The following MAGI1 variants were observed in gnomAD, a reference collection of about 807,000 sequenced individuals.
MAGI1 encodes membrane-associated guanylate kinase, WW and PDZ domain-containing protein 1.
In MAGI1, 58 loss-of-function variants were observed where a neutral mutation model predicts 139.9. The observed-to-expected ratio is 0.41, with a 90% confidence interval of 0.34 to 0.52. MAGI1 has a LOEUF of 0.52. Among genes scored for constraint, MAGI1 ranks in the 20% least tolerant of loss-of-function variants. MAGI1 has a pLI of 0.12. For missense variants in MAGI1, 1,874 were observed against 1,901.6 expected, an observed-to-expected ratio of 0.99 and a Z score of 0.27; for synonymous variants, 812 against 737.9, an observed-to-expected ratio of 1.10 and a Z score of -1.63.
intron 2 of MAGI1, among the ~76,000 whole-genome samples, chr3:65,615,965 C>A (rs1051390939): frequency 3.3e-5 from 5 of 152,116 alleles, no homozygotes; most frequent in African/African-American, 1.2e-4. Context: ...ACAGTTTGTG[C>A]TAAACATTAT....
chr3:65,944,255 C>G (rs1310642238), intron 1 of MAGI1, among the ~76,000 whole-genome samples: 1 of 152,172 alleles, frequency 6.6e-6, no homozygotes, highest in African/African-American at 2.4e-5. Flanking sequence ...ATGGCTCAGG[C>G]CTGTAATCCC....
rs760428342 is a variant in MAGI1, at chr3:66,038,274, G to A, written c.35C>T (p.Thr12Ile). The A allele has an allele frequency of 2.5e-6, 4 of 1,600,950 alleles. No individual in the cohort carries two copies. Among genetic ancestry groups the A allele is most frequent in the East Asian group, 2.2e-5 (1 of 44,608 alleles). ...CACGGTGCATTCGTGAACCCTGCTA[G>A]TCCAGTGGTTCTTCTTCTGGATCAC... ...SKVIQKKNHW[T>I]SRVHECTVKR... Residue 12 changes from threonine to isoleucine, a missense_variant, in exon 1 of 23, where the codon ACT (threonine) becomes ATT (isoleucine). Thr to Ile is a moderately conservative substitution (Grantham distance 89). This residue lies in a region of MAGI1 where 648 missense variants were observed against 598.1 expected (regional missense o/e 1.08). Coordinates refer to ENST00000402939, the MANE Select transcript of MAGI1 (RefSeq NM_001033057.2).
chr3:65,998,925 T>C (rs2066598308), intron 1 of MAGI1, among the ~76,000 whole-genome samples: 1 of 152,214 alleles, frequency 6.6e-6, no homozygotes, highest in South Asian at 2.1e-4. Context: ...CACTTACATA[T>C]TGTGTTTACA....
In MAGI1 at chr3:65,354,690, T is replaced by C. The variant is rs58844841; in HGVS notation, c.*1688A>G. 9,581 of 152,670 alleles carry C rather than the reference T, an allele frequency of 0.063. 437 individuals are homozygous for C. The highest frequency in any genetic ancestry group is 0.24 in the South Asian group (1,143 of 4,816). 9.5% of individuals were successfully genotyped at this position (152,670 alleles called of 1,614,324 possible). A position where few individuals can be genotyped will look rare whatever the true frequency, so the allele number is the denominator to read the frequency against. ...TTTACATACCTGATTTAGTTTACAT[T>C]AAAATATATCCCCATGAATCAATTT... On this transcript the variant is annotated 3_prime_UTR_variant, in exon 23 of 23. Transcript: ENST00000402939.
At position 65,550,461 on chromosome 3, in the gene MAGI1, A is replaced by C. The variant is rs192548728; in HGVS notation, c.431-56830T>G. Among the ~76,000 whole-genome samples the C allele has an allele frequency of 3.3e-5, 5 of 152,324 alleles. 1 individual carries two copies. Among genetic ancestry groups the C allele is most frequent in the Admixed American group, 3.3e-4 (5 of 15,310 alleles). ...TCTTCACTGGCAAGAATAAAACTTG[A>C]AAGAAATTGGACTCTCTAGGCCAAG... is the stretch of plus-strand genomic sequence containing the variant. On this transcript the variant is annotated intron_variant, in intron 2 of 22. Transcript: ENST00000402939.
intron 1 of MAGI1, among the ~76,000 whole-genome samples, chr3:65,786,858 G>A (rs1365556950): frequency 6.6e-6 from 1 of 151,844 alleles, no homozygotes; most frequent in Non-Finnish European, 1.5e-5. Context: ...CTCGTGATCC[G>A]CCCGCCTCGG....
chr3:65,981,999 G>C (rs998438402), intron 1 of MAGI1, among the ~76,000 whole-genome samples: 4 of 152,192 alleles, frequency 2.6e-5, no homozygotes, highest in African/African-American at 9.7e-5. Context: ...ATCAGGTCTC[G>C]TAAGTCGAGG....
At chr3:65,836,341 G>A (rs1412306692) in intron 1 of MAGI1, among the ~76,000 whole-genome samples, 1 of 152,198 alleles carries the variant, frequency 6.6e-6, no homozygotes, top group Non-Finnish European at 1.5e-5. Flanking sequence ...ATCTAACTCT[G>A]CAGGCACAGT....
intron 2 of MAGI1, among the ~76,000 whole-genome samples, chr3:65,551,536 G>A (rs1373330547): frequency 6.6e-6 from 1 of 152,098 alleles, no homozygotes; most frequent in Non-Finnish European, 1.5e-5. Flanking sequence ...TCCTGACCTC[G>A]TGATCCGCCC....
In MAGI1 at chr3:65,516,334, C is replaced by T. The variant is rs538221315; in HGVS notation, c.431-22703G>A. Among the ~76,000 whole-genome samples, 9 of 151,882 alleles carry T rather than the reference C, an allele frequency of 5.9e-5. No homozygotes were observed. In the South Asian group the frequency reaches 1.7e-3, roughly 28 times the overall value. ...AGCTGGGACTACAGGCATGTGCCACCCCACCCGGCTAATTTCTGTATTTTT... is the reference window on the plus strand; with the variant it reads ...AGCTGGGACTACAGGCATGTGCCACTCCACCCGGCTAATTTCTGTATTTTT... On this transcript the variant is annotated intron_variant, in intron 2 of 22. Transcript: ENST00000402939.
chr3:65,439,952 C>T lies in MAGI1; in HGVS notation c.1197G>A (p.Gln399=), dbSNP rs757597540. 6.2e-7 allele frequency: 1 copy of T among 1,614,036 alleles called. No individual in the cohort carries two copies. The change falls in exon 9 of 23, where the codon CAG becomes CAA. Residue 399 remains glutamine, a synonymous_variant. Transcript: ENST00000402939. ...GTTGCTGCTGCTGCTGCTGCTCAAG[C>T]TGCTTCTTCCGTTTGGCTTCTAGAA... ...NPVLEAKRKK[Q]LEQQQQQQQQ...
chr3:65,528,547 C>T (rs144284423), intron 2 of MAGI1, among the ~76,000 whole-genome samples: 49 of 152,322 alleles, frequency 3.2e-4, no homozygotes, highest in African/African-American at 1.2e-3. Flanking sequence ...CCATCTGCAT[C>T]TCAATTTCTG....
chr3:65,720,636 T>TA (rs1174562289), intron 1 of MAGI1, among the ~76,000 whole-genome samples: 4 of 152,198 alleles, frequency 2.6e-5, no homozygotes, highest in Admixed American at 1.3e-4. Flanking sequence ...AAGAAACACG[T>TA]AAAGCTTCCC....
intron 1 of MAGI1, among the ~76,000 whole-genome samples, chr3:65,777,568 G>A (rs2038553914): frequency 6.6e-6 from 1 of 150,764 alleles, no homozygotes; most frequent in Admixed American, 6.6e-5. Context: ...GAGCCTGGGA[G>A]GTTGAGGCTG....
intron 1 of MAGI1, among the ~76,000 whole-genome samples, chr3:65,854,416 T>C (rs73832982): frequency 0.059 from 9,042 of 152,208 alleles, 715 homozygotes; most frequent in African/African-American, 0.18. Context: ...ACATACAACT[T>C]TGAAAGAATA....
At chr3:65,980,263 G>GA (rs1238247334) in intron 1 of MAGI1, among the ~76,000 whole-genome samples, 1 of 152,126 alleles carries the variant, frequency 6.6e-6, no homozygotes, top group Non-Finnish European at 1.5e-5. Flanking sequence ...ATAGGTATAT[G>GA]AAAAATAAAC....
intron 12 of MAGI1, among the ~76,000 whole-genome samples, chr3:65,414,381 C>A (rs1018033096): frequency 6.6e-6 from 1 of 152,144 alleles, no homozygotes. Flanking sequence ...ATAGATGTTG[C>A]GTTACATAAG....
chr3:65,766,837 C>A (rs190183458), intron 1 of MAGI1, among the ~76,000 whole-genome samples: 1 of 151,798 alleles, frequency 6.6e-6, no homozygotes, highest in Non-Finnish European at 1.5e-5. Flanking sequence ...TGCAGTGAGC[C>A]GAGATCACAC....
intron 1 of MAGI1, among the ~76,000 whole-genome samples, chr3:65,719,310 C>CATAT (rs1215074386): frequency 6.7e-6 from 1 of 149,946 alleles, no homozygotes; most frequent in African/African-American, 2.4e-5. Flanking sequence ...TGTGTATATA[C>CATAT]ATATATATAT....
Sources: gnomAD v4.1 joint callset for allele counts (sites outside exome capture counted in the v4.1 genomes callset) on GRCh38, gnomAD v4.1.1 for gene constraint, gnomAD v4.1.1 regional missense constraint, MANE v1.5 for transcripts, NCBI Gene and HGNC (gene_info 2026-07-23, HGNC 2026-07-21) for gene names.